Variants in LRMDA observed in about 807,000 individuals in gnomAD.
LRMDA encodes the protein leucine rich melanocyte differentiation associated.
Under a neutral mutation model 29.8 loss-of-function variants are expected in LRMDA, and 18 were observed. The ratio of observed to expected loss-of-function variants is 0.60; its 90% CI spans 0.42 to 0.90. The LOEUF (loss-of-function observed/expected upper bound fraction) is 0.90, where lower values mean the gene tolerates loss of function less well. Ranked by LOEUF, LRMDA falls within the 40% of genes least tolerant of loss-of-function variation. The probability of loss-of-function intolerance (pLI) is 0.00; values close to 1 mark genes in which losing one functional copy is unlikely to be tolerated. For synonymous variants in LRMDA, 125 were observed against 109.4 expected (o/e 1.14, Z -0.89); for missense variants, 273 against 273.9 (o/e 1.00, Z 0.02).
intron 6 of LRMDA, among the ~76,000 whole-genome samples, chr10:76,545,166 T>G (rs867822597): frequency 8.7e-5 from 10 of 114,444 alleles, no homozygotes; most frequent in Admixed American, 5.4e-4. Flanking sequence ...TTTCTTTTTT[T>G]TTGTTTTTTA....
At chr10:75,441,753 A>G (rs773325068) in intron 2 of LRMDA, among the ~76,000 whole-genome samples, 2 of 149,490 alleles carry the variant, frequency 1.3e-5, no homozygotes, top group Non-Finnish European at 2.9e-5. Flanking sequence ...GAATATCTCT[A>G]CAGGCTTTCT....
At chr10:76,385,764 C>T (rs1304065076) in intron 6 of LRMDA, among the ~76,000 whole-genome samples, 1 of 152,180 alleles carries the variant, frequency 6.6e-6, no homozygotes, top group African/African-American at 2.4e-5. Context: ...CACTCAGGTG[C>T]TTCTTCATTC....
intron 2 of LRMDA, among the ~76,000 whole-genome samples, chr10:75,786,147 T>C (rs1228832763): frequency 6.6e-6 from 1 of 152,220 alleles, no homozygotes; most frequent in African/African-American, 2.4e-5. Flanking sequence ...GGTTATTACA[T>C]TGTTCAGTTA....
intron 5 of LRMDA, among the ~76,000 whole-genome samples, chr10:76,222,203 G>A (rs927149303): frequency 1.3e-5 from 2 of 152,084 alleles, no homozygotes; most frequent in Admixed American, 1.3e-4. Flanking sequence ...CAGGACATAG[G>A]CATGGGCAAG....
In LRMDA at chr10:75,431,628, C is replaced by A. The variant is rs925930046; in HGVS notation, c.-97C>A. 538 of 1,097,824 alleles carry A rather than the reference C, an allele frequency of 4.9e-4. 1 individual carries two copies. Among genetic ancestry groups the A allele is most frequent in the Admixed American group, 1.4e-3 (31 of 21,646 alleles). 68.0% of individuals were successfully genotyped at this position (1,097,824 alleles called of 1,614,324 possible). A position where few individuals can be genotyped will look rare whatever the true frequency, so the allele number is the denominator to read the frequency against. ...CGCCGGGTCAGCTGACTGCCCAGTGCGGAACTGTGCGCCCGCCGCGCTCCC... is the reference window on the plus strand; with the variant it reads ...CGCCGGGTCAGCTGACTGCCCAGTGAGGAACTGTGCGCCCGCCGCGCTCCC... On this transcript the variant is annotated 5_prime_UTR_variant, in exon 1 of 7. Coordinates refer to ENST00000611255, the MANE Select transcript of LRMDA (RefSeq NM_001305581.2).
chr10:75,790,963 A>G (rs1401973189), intron 2 of LRMDA, among the ~76,000 whole-genome samples: 1 of 152,190 alleles, frequency 6.6e-6, no homozygotes, highest in Non-Finnish European at 1.5e-5. Context: ...GAGATCAACT[A>G]TTTGCCTATT....
intron 2 of LRMDA, among the ~76,000 whole-genome samples, chr10:75,637,583 A>C (rs1459673920): frequency 1.3e-5 from 2 of 152,154 alleles, no homozygotes; most frequent in African/African-American, 4.8e-5. Context: ...TTTTCTCGGA[A>C]AGCTGCACCA....
intron 5 of LRMDA, among the ~76,000 whole-genome samples, chr10:76,068,126 G>C (rs1448989183): frequency 6.6e-6 from 1 of 152,180 alleles, no homozygotes; most frequent in Admixed American, 6.5e-5. Flanking sequence ...GAGAAAACAG[G>C]GATGGCATGG....
chr10:76,230,508 T>C (rs1852037929), intron 5 of LRMDA, among the ~76,000 whole-genome samples: 2 of 148,668 alleles, frequency 1.3e-5, no homozygotes, highest in South Asian at 4.3e-4. Flanking sequence ...TATGAAAATA[T>C]CAATTAAAAC....
At chr10:76,163,967 A>G (rs1286643429) in intron 5 of LRMDA, among the ~76,000 whole-genome samples, 1 of 152,212 alleles carries the variant, frequency 6.6e-6, no homozygotes, top group Non-Finnish European at 1.5e-5. Context: ...AAACCTTTAG[A>G]CAGGGTGACA....
intron 5 of LRMDA, among the ~76,000 whole-genome samples, chr10:76,085,086 G>A (rs573354224): frequency 1.3e-5 from 2 of 152,224 alleles, no homozygotes; most frequent in Non-Finnish European, 2.9e-5. Context: ...CTGCATCCTT[G>A]TTAATAACCT....
rs537362429 is a variant in LRMDA, at chr10:75,579,597, A to C, written c.131+141103A>C. ...GAGGCCAGCATCATCCTCATACCAAAACCTGGCAGAGACACAACAAAAAAA... is the reference window on the plus strand; with the variant it reads ...GAGGCCAGCATCATCCTCATACCAACACCTGGCAGAGACACAACAAAAAAA... On this transcript the variant is annotated intron_variant, in intron 2 of 6. Coordinates refer to ENST00000611255, the MANE Select transcript of LRMDA (RefSeq NM_001305581.2). Among the ~76,000 whole-genome samples, 15 of 152,302 alleles carry C rather than the reference A, an allele frequency of 9.8e-5. No homozygotes were observed. The South Asian group carries it at 3.1e-3, about 32-fold the overall frequency.
At chr10:75,798,727 T>A (rs1284514273) in intron 2 of LRMDA, among the ~76,000 whole-genome samples, 3 of 152,106 alleles carry the variant, frequency 2.0e-5, no homozygotes, top group Non-Finnish European at 4.4e-5. Context: ...ATCCCTGATG[T>A]TTTAGAAGTG....
Position 76,315,753 on chromosome 10 carries a change from G to C in LRMDA, c.517-8648G>C, listed in dbSNP as rs578184002. Among the ~76,000 whole-genome samples, 41 of 152,282 alleles carry C rather than the reference G, an allele frequency of 2.7e-4. 1 individual carries two copies. The South Asian group carries it at 3.1e-3, about 12-fold the overall frequency. The stretch of plus-strand genomic sequence containing the variant: ...CCAGTGAAACCCCACCTTCAAGCCA[G>C]GGATGGCTTGAAGCCTGGGGGCCGG... On this transcript the variant is annotated intron_variant, in intron 5 of 6. Transcript: ENST00000611255.
chr10:76,076,403 CTCTT>C (rs1848958947), intron 5 of LRMDA, among the ~76,000 whole-genome samples: 1 of 146,084 alleles, frequency 6.8e-6, no homozygotes, highest in Non-Finnish European at 1.5e-5. Flanking sequence ...CTCTCTCTTT[CTCTT>C]TCTTCTTTTT....
chr10:75,750,496 GC>G, intron 2 of LRMDA, among the ~76,000 whole-genome samples: 3 of 141,858 alleles, frequency 2.1e-5, no homozygotes, highest in African/African-American at 5.4e-5. Context: ...GGGGTGGGGG[GC>G]AGAGGGGGTC....
At chr10:75,707,830 G>A (rs1842388401) in intron 2 of LRMDA, among the ~76,000 whole-genome samples, 1 of 152,138 alleles carries the variant, frequency 6.6e-6, no homozygotes, top group Admixed American at 6.5e-5. Context: ...CCCTGTTAGA[G>A]GTGGGGACGG....
At chr10:75,572,695 C>T (rs1840452796) in intron 2 of LRMDA, among the ~76,000 whole-genome samples, 1 of 152,174 alleles carries the variant, frequency 6.6e-6, no homozygotes, top group African/African-American at 2.4e-5. Flanking sequence ...TAGCTGATAG[C>T]TATTTTTCTC....
intron 6 of LRMDA, among the ~76,000 whole-genome samples, chr10:76,365,107 T>TATACACACACAC (rs141131236): frequency 6.0e-4 from 37 of 61,250 alleles, no homozygotes; most frequent in South Asian, 4.6e-3. Flanking sequence ...TATATATATA[T>TATACACACACAC]ACACACACAC....
Sources: allele counts gnomAD v4.1 joint callset (sites outside exome capture counted in the v4.1 genomes callset), GRCh38; gene constraint gnomAD v4.1.1; transcripts MANE v1.5; gene names NCBI Gene and HGNC (gene_info 2026-07-23, HGNC 2026-07-21).